CSNK2A2: variants seen among roughly 807,000 people sequenced by gnomAD.
CSNK2A2 encodes casein kinase 2 alpha 2.
Under a neutral mutation model 54.0 loss-of-function variants are expected in CSNK2A2, and 8 were observed. The observed-to-expected ratio is 0.15, with a 90% CI of 0.09 to 0.27. The LOEUF (loss-of-function observed/expected upper bound fraction) is 0.27. CSNK2A2 is among the 10% of genes least tolerant of loss of function. The probability of loss-of-function intolerance (pLI) is 1.00; values close to 1 mark genes in which losing one functional copy is unlikely to be tolerated. For missense variants in CSNK2A2, 242 were observed against 439.4 expected, an observed-to-expected ratio of 0.55 and a Z score of 4.02; for synonymous variants, 141 against 153.9, an observed-to-expected ratio of 0.92 and a Z score of 0.62.
intron 11 of CSNK2A2, chr16:58,162,500 T>G (rs1329593633): frequency 2.0e-5 from 3 of 152,190 alleles, no homozygotes; most frequent in Non-Finnish European, 4.4e-5. Context: ...AAAAATAGAA[T>G]CTACATTTAG....
intron 9 of CSNK2A2, 89 bp from the exon 10 acceptor site, chr16:58,165,797 A>T (rs1257484775): frequency 2.2e-5 from 30 of 1,368,926 alleles, no homozygotes; most frequent in Non-Finnish European, 2.8e-5. Flanking sequence ...AAATCTCAGA[A>T]TAATGTACTG....
At chr16:58,171,796 T>C (rs1173779421) in intron 5 of CSNK2A2, among the ~76,000 whole-genome samples, 2 of 150,932 alleles carry the variant, frequency 1.3e-5, no homozygotes, top group Non-Finnish European at 3.0e-5. Flanking sequence ...ATTTTATTAT[T>C]TTATTTTTTT....
chr16:58,169,347 C>G (rs955577015), intron 5 of CSNK2A2, among the ~76,000 whole-genome samples: 14 of 151,998 alleles, frequency 9.2e-5, no homozygotes, highest in Non-Finnish European at 1.2e-4. Context: ...CGAGACTAGC[C>G]TGGGCAACAC....
chr16:58,174,351 T>C (rs944995369), intron 5 of CSNK2A2, 100 bp downstream of exon 5: 1 of 772,010 alleles, frequency 1.3e-6, no homozygotes, highest in African/African-American at 1.8e-5. Context: ...ATCCTCTGGG[T>C]ATCAAGAAAC....
chr16:58,185,875 G>A (rs1433252088), intron 3 of CSNK2A2, among the ~76,000 whole-genome samples: 1 of 152,242 alleles, frequency 6.6e-6, no homozygotes, highest in Non-Finnish European at 1.5e-5. Context: ...CCAATGGACT[G>A]TTGTGAAGAC....
At chr16:58,165,340 G>A (rs1322832201) in intron 10 of CSNK2A2, among the ~76,000 whole-genome samples, 1 of 152,218 alleles carries the variant, frequency 6.6e-6, no homozygotes, top group African/African-American at 2.4e-5. Context: ...CAAACAGCTT[G>A]AACTCCGGGG....
At position 58,167,319 on chromosome 16, in the gene CSNK2A2, A is replaced by T. The variant is rs1349014417; in HGVS notation, c.625-11T>A. On this transcript the variant is annotated splice_polypyrimidine_tract_variant and intron_variant, in intron 7 of 11. Coordinates refer to ENST00000262506, the MANE Select transcript of CSNK2A2 (RefSeq NM_001896.4). ...GCTATAATCATACATCTGAGGCAATAAGGACAACGCATTAGCCAAGGGTAT... is the reference window on the plus strand; with the variant it reads ...GCTATAATCATACATCTGAGGCAATTAGGACAACGCATTAGCCAAGGGTAT... 9 of 1,596,418 alleles carry T rather than the reference A, an allele frequency of 5.6e-6. No individual in the cohort carries two copies. The highest frequency in any genetic ancestry group is 8.6e-7 in the Non-Finnish European group (1 of 1,166,906).
At chr16:58,192,302 A>T (rs1222460711) in intron 2 of CSNK2A2, among the ~76,000 whole-genome samples, 1 of 152,200 alleles carries the variant, frequency 6.6e-6, no homozygotes, top group Non-Finnish European at 1.5e-5. Flanking sequence ...TTTATACATG[A>T]AAATGGGCAC....
chr16:58,188,188 CA>C (rs942431123), intron 2 of CSNK2A2, among the ~76,000 whole-genome samples: 6 of 152,170 alleles, frequency 3.9e-5, no homozygotes, highest in African/African-American at 9.7e-5. Context: ...TCACCTATAA[CA>C]GGGGGCTCAA....
chr16:58,179,426 A>T (rs1961967138), intron 4 of CSNK2A2, among the ~76,000 whole-genome samples: 1 of 151,832 alleles, frequency 6.6e-6, no homozygotes. Context: ...GCTTGAACCC[A>T]GGAGGCGGAG....
chr16:58,176,466 T>C (rs1201995913), intron 4 of CSNK2A2, among the ~76,000 whole-genome samples: 6 of 152,226 alleles, frequency 3.9e-5, no homozygotes, highest in Admixed American at 6.5e-5. Context: ...TGGTTGCCAT[T>C]CACCCTCACT....
At chr16:58,171,979 A>ATATATTTTTT (rs1261137669) in intron 5 of CSNK2A2, among the ~76,000 whole-genome samples, 3 of 66,188 alleles carry the variant, frequency 4.5e-5, no homozygotes, top group Non-Finnish European at 7.5e-5. Flanking sequence ...ATATATATAT[A>ATATATTTTTT]TTTTTTTTTT....
intron 11 of CSNK2A2, chr16:58,163,090 A>G (rs1961434965): frequency 6.6e-6 from 1 of 151,950 alleles, no homozygotes; most frequent in African/African-American, 2.4e-5. Flanking sequence ...TTCCTGAAAA[A>G]ATTCTAATGG....
In CSNK2A2 at chr16:58,186,967, T is replaced by C. The variant is rs905623405; in HGVS notation, c.217-111A>G. ...ATAGTACGCTATCTTGTACACTCTG[T>C]TGTGTTCAAGAGTGTGCCTAAATTT... On this transcript the variant is annotated intron_variant, in intron 2 of 11. Transcript: ENST00000262506. 1.1e-5 allele frequency: 9 copies of C among 835,578 alleles called. No homozygotes were observed. In the African/African-American group the frequency reaches 1.5e-4, roughly 14 times the overall value. 51.8% of individuals were successfully genotyped at this position (835,578 alleles called of 1,614,324 possible). A position where few individuals can be genotyped will look rare whatever the true frequency, so the allele number is the denominator to read the frequency against.
At position 58,164,118 on chromosome 16, in the gene CSNK2A2, A is replaced by G. The variant is rs1370067990; in HGVS notation, c.1006T>C (p.Cys336Arg). 2 of 1,614,034 alleles carry G rather than the reference A, an allele frequency of 1.2e-6. No individual in the cohort carries two copies. Among genetic ancestry groups the G allele is most frequent in the Admixed American group, 3.3e-5 (2 of 60,010 alleles). Reference protein sequence around the residue: ...YPVVKEQSQPCADNAVLSSGL... With the variant: ...YPVVKEQSQPRADNAVLSSGL... ...CTGGAAAGCACAGCATTGTCTGCACAAGGCTGGGACTGCTCCTTCACCACA... is the reference window on the plus strand; with the variant it reads ...CTGGAAAGCACAGCATTGTCTGCACGAGGCTGGGACTGCTCCTTCACCACA... Residue 336 changes from cysteine (C) to arginine (R), a missense_variant, in exon 11 of 12, where the codon TGT becomes CGT. Cys to Arg is a radical substitution (Grantham distance 180). This residue lies in a region of CSNK2A2 where 81 missense variants were observed against 135.0 expected (regional missense o/e 0.60). Transcript: ENST00000262506.
intron 2 of CSNK2A2, among the ~76,000 whole-genome samples, chr16:58,195,039 A>T (rs1962398665): frequency 6.6e-6 from 1 of 152,170 alleles, no homozygotes; most frequent in South Asian, 2.1e-4. Context: ...ATTCTTCTGA[A>T]TATACAGCAG....
intron 3 of CSNK2A2, among the ~76,000 whole-genome samples, chr16:58,186,018 A>G (rs1462058327): frequency 6.6e-6 from 1 of 152,248 alleles, no homozygotes; most frequent in Non-Finnish European, 1.5e-5. Flanking sequence ...TTAATAAACA[A>G]AACTATCATG....
At chr16:58,165,430 A>G in intron 10 of CSNK2A2, 130 bp downstream of exon 10, 2 of 996,570 alleles carry the variant, frequency 2.0e-6, no homozygotes, top group South Asian at 5.2e-5. Flanking sequence ...TCTACGATAA[A>G]TGAGGCCAAA....
chr16:58,159,328 G>A (rs1961254784), intron 11 of CSNK2A2, among the ~76,000 whole-genome samples: 1 of 152,228 alleles, frequency 6.6e-6, no homozygotes. Flanking sequence ...CAAGGTTAAA[G>A]TCATGCACTA....
Sources: gnomAD v4.1 joint callset for allele counts (sites outside exome capture counted in the v4.1 genomes callset) on GRCh38, gnomAD v4.1.1 for gene constraint, gnomAD v4.1.1 regional missense constraint, MANE v1.5 for transcripts, NCBI Gene and HGNC (gene_info 2026-07-23, HGNC 2026-07-21) for gene names.